Variants in PKDREJ observed in about 807,000 individuals in gnomAD.
PKDREJ encodes polycystin family receptor for egg jelly, also known as PKD and REJ homolog.
For missense variants in PKDREJ, 2,507 were observed against 2,807.2 expected (o/e 0.89, Z 2.42); for synonymous variants, 1,031 against 1,095.5 (o/e 0.94, Z 1.16).
At position 46,256,385 on chromosome 22, in the gene PKDREJ, T is replaced by C. The variant is rs902001346; in HGVS notation, c.*176A>G. ...AGATGCTACACTACACTCCCAACTTTTACACTCCCAAGAGCAGAGGACAAG... is the reference window on the plus strand; with the variant it reads ...AGATGCTACACTACACTCCCAACTTCTACACTCCCAAGAGCAGAGGACAAG... On this transcript the variant is annotated 3_prime_UTR_variant, in exon 1 of 1. Transcript: ENST00000253255. This position sits in a 1 kb window ranked among gnomAD's most constrained non-coding sequence, Gnocchi z 5.3. 4.4e-6 allele frequency: 5 copies of C among 1,128,468 alleles called. No homozygotes were observed. Among genetic ancestry groups the C allele is most frequent in the Admixed American group, 2.8e-5 (1 of 35,890 alleles). The allele number at this position is 1,128,468 out of a possible 1,614,324, so 69.9% of individuals were successfully genotyped here.
chr22:46,259,503 G>T lies in PKDREJ; in HGVS notation c.3820C>A (p.Leu1274Ile). The T allele has an allele frequency of 3.1e-6, 5 of 1,614,222 alleles. No individual in the cohort carries two copies. The highest frequency in any genetic ancestry group is 4.2e-6 in the Non-Finnish European group (5 of 1,180,036). The change falls in exon 1 of 1, where the codon CTC (leucine) becomes ATC (isoleucine). Residue 1274 changes from leucine (L) to isoleucine (I), a missense_variant. Transcript: ENST00000253255. The surrounding 1 kb of genome is among the most constrained non-coding windows in gnomAD (Gnocchi z 6.8). ...HCLSHPHFTT[L>I]YRGSINTFLL... is the part of the protein sequence containing the mutation. ...AAAGTGTTGATGCTACCTCGGTAGA[G>T]AGTTGTGAAATGTGGATGGCTTAAA...
Position 46,262,224 on chromosome 22 carries a change from C to T in PKDREJ, c.1099G>A (p.Asp367Asn), listed in dbSNP as rs755155905. 6.2e-7 allele frequency: 1 copy of T among 1,614,182 alleles called. No homozygotes were observed. The highest frequency in any genetic ancestry group is 8.5e-7 in the Non-Finnish European group (1 of 1,180,038). ...AACTGGAGTCCCTGTAACGGGCTGT[C>T]CGCATCTGGGTCCGAGGACGTGGAC... ...DGSTSSDPDA[D>N]SPLQGLQFFW... is the part of the protein sequence containing the mutation. The change falls in exon 1 of 1, where the codon GAC becomes AAC. Residue 367 changes from aspartate (D) to asparagine (N), a missense_variant. Physicochemically the swap from Asp to Asn is conservative, Grantham distance 23 (BLOSUM62 1). Coordinates refer to ENST00000253255, the MANE Select transcript of PKDREJ (RefSeq NM_006071.2). This position sits in a 1 kb window ranked among gnomAD's most constrained non-coding sequence, Gnocchi z 8.1.
In PKDREJ at chr22:46,259,882, G is replaced by A. The variant is rs36125344; in HGVS notation, c.3441C>T (p.Ile1147=). 3.7e-6 allele frequency: 6 copies of A among 1,613,278 alleles called. No individual in the cohort carries two copies. Among genetic ancestry groups the A allele is most frequent in the East Asian group, 2.2e-5 (1 of 44,894 alleles). The change falls in exon 1 of 1, where the codon ATC becomes ATT. Residue 1147 remains isoleucine, a synonymous_variant. Transcript: ENST00000253255. This position sits in a 1 kb window ranked among gnomAD's most constrained non-coding sequence, Gnocchi z 6.8. ...VVRARRQLGT[I]GLTGIHLHTH... Reference sequence around the variant, plus strand: ...TATGCAGGTGAATGCCCGTGAGTCCGATTGTGCCCAGCTGCCGCCTAGCCC... The same window carrying A: ...TATGCAGGTGAATGCCCGTGAGTCCAATTGTGCCCAGCTGCCGCCTAGCCC...
rs1936653116 is a variant in PKDREJ, at chr22:46,258,101, T to C, written c.5222A>G (p.Gln1741Arg). ...CATAGAGAACCGATCACGAATAAAC[T>C]GGTTATAGTAAAAGCAGTCAGTGTG... is the stretch of plus-strand genomic sequence containing the variant. ...LRHTDCFYYN[Q>R]FIRDRFSMDL... Residue 1741 changes from glutamine to arginine, a missense_variant, in exon 1 of 1, where the codon CAG becomes CGG. Physicochemically the swap from Gln to Arg is conservative, Grantham distance 43. Coordinates refer to ENST00000253255, the MANE Select transcript of PKDREJ (RefSeq NM_006071.2). This position sits in a 1 kb window ranked among gnomAD's most constrained non-coding sequence, Gnocchi z 6.1. The C allele has an allele frequency of 1.9e-6, 3 of 1,614,138 alleles. No homozygotes were observed. Among genetic ancestry groups the C allele is most frequent in the Non-Finnish European group, 1.7e-6 (2 of 1,180,020 alleles).
At position 46,256,477 on chromosome 22, in the gene PKDREJ, C is replaced by T; in HGVS notation, c.*84G>A. 1 of 1,520,946 alleles carries T rather than the reference C, an allele frequency of 6.6e-7. No homozygotes were observed. Among genetic ancestry groups the T allele is most frequent in the South Asian group, 1.3e-5 (1 of 76,118 alleles). The allele number at this position is 1,520,946 out of a possible 1,614,324, so 94.2% of individuals were successfully genotyped here. On this transcript the variant is annotated 3_prime_UTR_variant, in exon 1 of 1. Coordinates refer to ENST00000253255, the MANE Select transcript of PKDREJ (RefSeq NM_006071.2). This position sits in a 1 kb window ranked among gnomAD's most constrained non-coding sequence, Gnocchi z 5.3. The stretch of plus-strand genomic sequence containing the variant: ...GACATGAGTAGAAAGCATGACTAGG[C>T]CACTGACACTCCCTAATCCCCTTAA...
At position 46,262,206 on chromosome 22, in the gene PKDREJ, G is replaced by A; in HGVS notation, c.1117C>T (p.Leu373Phe). 2 of 1,614,218 alleles carry A rather than the reference G, an allele frequency of 1.2e-6. No homozygotes were observed. Among genetic ancestry groups the A allele is most frequent in the Non-Finnish European group, 1.7e-6 (2 of 1,180,036 alleles). Residue 373 changes from leucine (L) to phenylalanine (F), a missense_variant, in exon 1 of 1, where the codon CTC becomes TTC. Leu to Phe is a conservative substitution (Grantham distance 22). Transcript: ENST00000253255. This position sits in a 1 kb window ranked among gnomAD's most constrained non-coding sequence, Gnocchi z 8.1. Reference protein sequence around the residue: ...DPDADSPLQGLQFFWYCTTDP... With the variant: ...DPDADSPLQGFQFFWYCTTDP... ...GTGGTACAGTACCAAAAGAACTGGAGTCCCTGTAACGGGCTGTCCGCATCT... is the reference window on the plus strand; with the variant it reads ...GTGGTACAGTACCAAAAGAACTGGAATCCCTGTAACGGGCTGTCCGCATCT...
At position 46,262,513 on chromosome 22, in the gene PKDREJ, C is replaced by T. The variant is rs562294063; in HGVS notation, c.810G>A (p.Ala270=). 282 of 1,587,048 alleles carry T rather than the reference C, an allele frequency of 1.8e-4. 4 individuals are homozygous for T. The South Asian group carries it at 3.0e-3, about 17-fold the overall frequency. Residue 270 remains alanine (A), a synonymous_variant, in exon 1 of 1, where the codon GCG becomes GCA. Coordinates refer to ENST00000253255, the MANE Select transcript of PKDREJ (RefSeq NM_006071.2). The surrounding 1 kb of genome is among the most constrained non-coding windows in gnomAD (Gnocchi z 8.1). ...GATCCAAGGGCTGCGTCCAGTCGGG[C>T]GCCTGACCCACGGCGGGCACGGAGA... The part of the protein sequence containing the change: ...QVFSVPAVGQ[A]PDWTQPLDLP...
chr22:46,263,261 A>C lies in PKDREJ; in HGVS notation c.62T>G (p.Leu21Arg). ...GVGLSLSVGR[L>R]PLPPVPRGAQ... Reference sequence around the variant, plus strand: ...CCCGCGAGGAACCGGCGGCAGCGGGAGGCGGCCGACGCTCAGGCTCAGGCC... The same window carrying C: ...CCCGCGAGGAACCGGCGGCAGCGGGCGGCGGCCGACGCTCAGGCTCAGGCC... Residue 21 changes from leucine to arginine, a missense_variant, in exon 1 of 1, where the codon CTC becomes CGC. Coordinates refer to ENST00000253255, the MANE Select transcript of PKDREJ (RefSeq NM_006071.2). The surrounding 1 kb of genome is among the most constrained non-coding windows in gnomAD (Gnocchi z 9.4). 6.9e-7 allele frequency: 1 copy of C among 1,441,644 alleles called. No individual in the cohort carries two copies. Among genetic ancestry groups the C allele is most frequent in the Non-Finnish European group, 9.1e-7 (1 of 1,101,968 alleles). 89.3% of individuals were successfully genotyped at this position (1,441,644 alleles called of 1,614,324 possible). A position where few individuals can be genotyped will look rare whatever the true frequency, so the allele number is the denominator to read the frequency against.
rs1936642407 is a variant in PKDREJ at position 46,257,234 on chromosome 22, T to C, written c.6089A>G (p.Tyr2030Cys). The C allele has an allele frequency of 1.2e-6, 2 of 1,613,966 alleles. No homozygotes were observed. The highest frequency in any genetic ancestry group is 1.7e-6 in the Non-Finnish European group (2 of 1,180,042). Reference protein sequence around the residue: ...HFLATGIIRFYLSNPEDFIPF... With the variant: ...HFLATGIIRFCLSNPEDFIPF... ...AATGAAGTCTTCTGGGTTCGACAAG[T>C]AAAACCGAATTATGCCAGTGGCCAG... Residue 2030 changes from tyrosine to cysteine, a missense_variant, in exon 1 of 1, where the codon TAC becomes TGC. Physicochemically the swap from Tyr to Cys is radical, Grantham distance 194. Coordinates refer to ENST00000253255, the MANE Select transcript of PKDREJ (RefSeq NM_006071.2). The surrounding 1 kb of genome is among the most constrained non-coding windows in gnomAD (Gnocchi z 4.7).
Position 46,259,302 on chromosome 22 carries a change from T to C in PKDREJ, c.4021A>G (p.Arg1341Gly). The C allele has an allele frequency of 6.2e-7, 1 of 1,614,238 alleles. No homozygotes were observed. The highest frequency in any genetic ancestry group is 8.5e-7 in the Non-Finnish European group (1 of 1,180,036). ...TCTGGATGGGTAACGTGAAATGTTC[T>C]GTCCAAAGTGGTATCAACAGAAAGC... ...KWLSVDTTLD[R>G]TFHVTHPDER... The change falls in exon 1 of 1, where the codon AGA becomes GGA. Residue 1341 changes from arginine to glycine, a missense_variant. Arg to Gly is a moderately radical substitution (Grantham distance 125). Coordinates refer to ENST00000253255, the MANE Select transcript of PKDREJ (RefSeq NM_006071.2). The surrounding 1 kb of genome is among the most constrained non-coding windows in gnomAD (Gnocchi z 6.8).
chr22:46,262,847 G>A lies in PKDREJ; in HGVS notation c.476C>T (p.Ala159Val). The stretch of plus-strand genomic sequence containing the variant: ...GGCGGAGCGCGGGGAGACGCGGGCC[G>A]CGGGGGAGGCCGGGCGGGCGGCGCC... Reference protein sequence around the residue: ...GPGAARPASPAARVSPRSAAP... With the variant: ...GPGAARPASPVARVSPRSAAP... The change falls in exon 1 of 1, where the codon GCG becomes GTG. Residue 159 changes from alanine to valine, a missense_variant. Physicochemically the swap from Ala to Val is moderately conservative, Grantham distance 64. Coordinates refer to ENST00000253255, the MANE Select transcript of PKDREJ (RefSeq NM_006071.2). The surrounding 1 kb of genome is among the most constrained non-coding windows in gnomAD (Gnocchi z 8.1). 1 of 1,199,524 alleles carries A rather than the reference G, an allele frequency of 8.3e-7. No homozygotes were observed. The highest frequency in any genetic ancestry group is 1.0e-6 in the Non-Finnish European group (1 of 959,962). The allele number at this position is 1,199,524 out of a possible 1,614,324, so 74.3% of individuals were successfully genotyped here.
Position 46,257,587 on chromosome 22 carries a change from C to T in PKDREJ, c.5736G>A (p.Trp1912Ter). 6.2e-7 allele frequency: 1 copy of T among 1,614,152 alleles called. No individual in the cohort carries two copies. Among genetic ancestry groups the T allele is most frequent in the Non-Finnish European group, 8.5e-7 (1 of 1,180,024 alleles). Residue 1912 changes from tryptophan to a stop codon, truncating the protein, a stop_gained, in exon 1 of 1, where the codon TGG becomes TGA. Coordinates refer to ENST00000253255, the MANE Select transcript of PKDREJ (RefSeq NM_006071.2). LOFTEE classifies it low-confidence loss of function (END_TRUNC). The surrounding 1 kb of genome is among the most constrained non-coding windows in gnomAD (Gnocchi z 4.7). Reference protein sequence around the residue: ...QESNWLDEKTWAVVLELTTFN... With the variant: ...QESNWLDEKT The stretch of plus-strand genomic sequence containing the variant: ...AAGTTGTTAATTCCAAAACCACAGC[C>T]CATGTCTTCTCATCCAGCCAATTGC...
At position 46,259,472 on chromosome 22, in the gene PKDREJ, A is replaced by G; in HGVS notation, c.3851T>C (p.Leu1284Pro). Reference protein sequence around the residue: ...LYRGSINTFLLTTKSDLGDIH... With the variant: ...LYRGSINTFLPTTKSDLGDIH... The stretch of plus-strand genomic sequence containing the variant: ...GTCCCCCAAGTCACTTTTTGTCGTT[A>G]GGAGGAAAGTGTTGATGCTACCTCG... Residue 1284 changes from leucine (L) to proline (P), a missense_variant, in exon 1 of 1, where the codon CTA (leucine) becomes CCA (proline). Leu to Pro is a moderately conservative substitution (Grantham distance 98). Transcript: ENST00000253255. This position sits in a 1 kb window ranked among gnomAD's most constrained non-coding sequence, Gnocchi z 6.8. 1 of 1,614,192 alleles carries G rather than the reference A, an allele frequency of 6.2e-7. No individual in the cohort carries two copies. Among genetic ancestry groups the G allele is most frequent in the Non-Finnish European group, 8.5e-7 (1 of 1,180,026 alleles).
chr22:46,258,174 G>A lies in PKDREJ; in HGVS notation c.5149C>T (p.His1717Tyr). 1 of 1,614,154 alleles carries A rather than the reference G, an allele frequency of 6.2e-7. No individual in the cohort carries two copies. The highest frequency in any genetic ancestry group is 8.5e-7 in the Non-Finnish European group (1 of 1,179,992). Reference sequence around the variant, plus strand: ...AACAGAAGGGCTAGAAAGATAAAGTGAGTTAGAATGTAACTCAGAAACAGG... The same window carrying A: ...AACAGAAGGGCTAGAAAGATAAAGTAAGTTAGAATGTAACTCAGAAACAGG... ...ALLFLSYILT[H>Y]FIFLALLLIL... is the part of the protein sequence containing the mutation. Residue 1717 changes from histidine to tyrosine, a missense_variant, in exon 1 of 1, where the codon CAC becomes TAC. By Grantham distance (83) the His-to-Tyr change is moderately conservative. Coordinates refer to ENST00000253255, the MANE Select transcript of PKDREJ (RefSeq NM_006071.2). The surrounding 1 kb of genome is among the most constrained non-coding windows in gnomAD (Gnocchi z 6.1).
In PKDREJ at chr22:46,258,935, G is replaced by C; in HGVS notation, c.4388C>G (p.Ser1463Cys). 6.2e-7 allele frequency: 1 copy of C among 1,614,168 alleles called. No individual in the cohort carries two copies. The highest frequency in any genetic ancestry group is 1.6e-4 in the Middle Eastern group (1 of 6,062). ...TGACATTAGAGGATGCTTTTGAGGA[G>C]ATACCTCCTTTAGATCCGCTTGAGG... is the stretch of plus-strand genomic sequence containing the variant. The part of the protein sequence containing the change: ...RKPQADLKEV[S>C]PQKHPLMSEA... Residue 1463 changes from serine (S) to cysteine (C), a missense_variant, in exon 1 of 1, where the codon TCT (serine) becomes TGT (cysteine). By Grantham distance (112) the Ser-to-Cys change is moderately radical (BLOSUM62 -1). Transcript: ENST00000253255. The surrounding 1 kb of genome is among the most constrained non-coding windows in gnomAD (Gnocchi z 6.1).
rs775438551 is a variant in PKDREJ, at chr22:46,261,154, T to G, written c.2169A>C (p.Glu723Asp). Residue 723 changes from glutamate (E) to aspartate (D), a missense_variant, in exon 1 of 1, where the codon GAA (glutamate) becomes GAC (aspartate). Glu to Asp is a conservative substitution (Grantham distance 45). Transcript: ENST00000253255. This position sits in a 1 kb window ranked among gnomAD's most constrained non-coding sequence, Gnocchi z 7.1. ...VASVLNNMKT[E>D]LPLRDDRVNL... The stretch of plus-strand genomic sequence containing the variant: ...TGACTCTGTCATCTCGGAGAGGTAA[T>G]TCAGTTTTCATGTTATTCAAAACGG... 1.2e-6 allele frequency: 2 copies of G among 1,614,152 alleles called. No individual in the cohort carries two copies. The highest frequency in any genetic ancestry group is 3.3e-5 in the Admixed American group (2 of 60,024).
In PKDREJ at chr22:46,260,132, T is replaced by C; in HGVS notation, c.3191A>G (p.Gln1064Arg). ...AGAGTGGCTGTGCTGAGCTATGAGT[T>C]GCAGCAGGGACACAGGGAGGCAGAC... ...RVVCLPVSLL[Q>R]LIAQHSHSPH... Residue 1064 changes from glutamine (Q) to arginine (R), a missense_variant, in exon 1 of 1, where the codon CAA becomes CGA. Gln to Arg is a conservative substitution (Grantham distance 43). Transcript: ENST00000253255. The surrounding 1 kb of genome is among the most constrained non-coding windows in gnomAD (Gnocchi z 4.5). 5.0e-6 allele frequency: 8 copies of C among 1,613,790 alleles called. No homozygotes were observed. Among genetic ancestry groups the C allele is most frequent in the Non-Finnish European group, 6.8e-6 (8 of 1,179,846 alleles).
Position 46,260,792 on chromosome 22 carries a change from T to C in PKDREJ, c.2531A>G (p.Asn844Ser), listed in dbSNP as rs1393514055. Residue 844 changes from asparagine to serine, a missense_variant, in exon 1 of 1, where the codon AAT (asparagine) becomes AGT (serine). Coordinates refer to ENST00000253255, the MANE Select transcript of PKDREJ (RefSeq NM_006071.2). This position sits in a 1 kb window ranked among gnomAD's most constrained non-coding sequence, Gnocchi z 4.5. ...GGTGGTTTTGTTCCCTGGCACTTTA[T>C]TAGCCAGTATTGTGTCTGATAGAGA... ...IESLSDTILA[N>S]KVPGNKTTSM... The C allele has an allele frequency of 1.2e-6, 2 of 1,614,088 alleles. No homozygotes were observed. Among genetic ancestry groups the C allele is most frequent in the Non-Finnish European group, 1.7e-6 (2 of 1,179,940 alleles).
chr22:46,262,561 GGC>G lies in PKDREJ; in HGVS notation c.760_761del (p.Ala254HisfsTer42), dbSNP rs1936709613. 1 of 1,605,494 alleles carries G rather than the reference GGC, an allele frequency of 6.2e-7. No homozygotes were observed. The highest frequency in any genetic ancestry group is 8.5e-7 in the Non-Finnish European group (1 of 1,176,056). On this transcript the variant is annotated frameshift_variant, in exon 1 of 1. Transcript: ENST00000253255. LOFTEE classifies it low-confidence loss of function (END_TRUNC). The surrounding 1 kb of genome is among the most constrained non-coding windows in gnomAD (Gnocchi z 8.1). Reference sequence around the variant, plus strand: ...AGAACACCTGCCAGTACTGGGCGATGGCGCGCGCGGCCGGGCAGTCCAGCTGC... The same window carrying G: ...AGAACACCTGCCAGTACTGGGCGATGGCGCGCGGCCGGGCAGTCCAGCTGC... Reference protein sequence around the residue: ...SVQLDCPAARAIAQYWQVFSV... With the variant: ...SVQLDCPAARXIAQYWQVFSV...
Sources: allele counts gnomAD v4.1 joint callset, GRCh38; gene constraint gnomAD v4.1.1; non-coding constraint Gnocchi (gnomAD v3.1); transcripts MANE v1.5; gene names NCBI Gene and HGNC (gene_info 2026-07-23, HGNC 2026-07-21).